Variants in DNAJC6 observed in about 807,000 individuals in gnomAD.
The protein encoded by DNAJC6 is auxilin.
In DNAJC6, 34 loss-of-function variants were observed where a neutral mutation model predicts 110.0. The observed-to-expected ratio is 0.31, with a 90% CI of 0.24 to 0.41. DNAJC6 has a LOEUF of 0.41. Ranked by LOEUF, DNAJC6 falls within the 10% of genes least tolerant of loss-of-function variation. The pLI is 1.00. For synonymous variants in DNAJC6, 406 were observed against 437.2 expected, an observed-to-expected ratio of 0.93 and a Z score of 0.89; for missense variants, 1,031 against 1,207.8, an observed-to-expected ratio of 0.85 and a Z score of 2.17.
chr1:65,339,830 G>C (rs567091379), intron 1 of DNAJC6, among the ~76,000 whole-genome samples: 2 of 152,172 alleles, frequency 1.3e-5, no homozygotes, highest in African/African-American at 4.8e-5. Context: ...GGGCTTCTGG[G>C]GCAAAAATAA....
intron 4 of DNAJC6, among the ~76,000 whole-genome samples, chr1:65,371,595 A>C (rs908572315): frequency 4.6e-5 from 7 of 152,184 alleles, no homozygotes; most frequent in Non-Finnish European, 1.0e-4. Context: ...CTCTCTGTAG[A>C]AGCATTCATT....
In DNAJC6 at chr1:65,366,916, G is replaced by A. The variant is rs143287930; in HGVS notation, c.543+720G>A. ...AAAAGTGAAACTTGATGTCAAATGT[G>A]TAAAATGATAGCTGGTTGACAATGC... On this transcript the variant is annotated intron_variant, in intron 4 of 18. Coordinates refer to ENST00000371069, the MANE Select transcript of DNAJC6 (RefSeq NM_001256864.2). Among the ~76,000 whole-genome samples the A allele has an allele frequency of 5.7e-4, 87 of 152,256 alleles. No homozygotes were observed. In the Middle Eastern group the frequency reaches 0.02, roughly 36 times the overall value.
rs750198870 is a variant in DNAJC6 at position 65,406,116 on chromosome 1, A to G, written c.2474A>G (p.Lys825Arg). The G allele has an allele frequency of 1.9e-6, 3 of 1,613,988 alleles. No individual in the cohort carries two copies. In the Admixed American group the frequency reaches 5.0e-5, roughly 27 times the overall value. Residue 825 changes from lysine to arginine, a missense_variant, in exon 16 of 19, where the codon AAA (lysine) becomes AGA (arginine). Lys to Arg is a conservative substitution (Grantham distance 26). Coordinates refer to ENST00000371069, the MANE Select transcript of DNAJC6 (RefSeq NM_001256864.2). ...CCTGGGGGCCAGAACGAACGTGGGA[A>G]AGGATCAAGTAATTTGGGTAAGGAT... ...AMPGGQNERG[K>R]GSSNLEGKQK...
chr1:65,349,107 A>AATGT (rs1645466783), intron 1 of DNAJC6, among the ~76,000 whole-genome samples: 1 of 136,702 alleles, frequency 7.3e-6, no homozygotes, highest in African/African-American at 2.7e-5. Flanking sequence ...TATATAAATA[A>AATGT]ATATGTAAAT....
chr1:65,400,757 A>G (rs930971703), intron 14 of DNAJC6, among the ~76,000 whole-genome samples: 4 of 152,200 alleles, frequency 2.6e-5, no homozygotes, highest in Admixed American at 6.5e-5. Flanking sequence ...TTGATTCCAT[A>G]TCTTGGCTGT....
At position 65,348,921 on chromosome 1, in the gene DNAJC6, C is replaced by T. The variant is rs575771687; in HGVS notation, c.194-15714C>T. 1.5e-3 allele frequency among the ~76,000 whole-genome samples: 215 copies of T among 144,122 alleles called. 2 individuals are homozygous for T. The highest frequency in any genetic ancestry group is 4.7e-3 in the African/African-American group (184 of 39,430). The allele number at this position is 144,122 out of a possible 152,430, so 94.5% of individuals were successfully genotyped here. A position where few individuals can be genotyped will look rare whatever the true frequency, so the allele number is the denominator to read the frequency against. On this transcript the variant is annotated intron_variant, in intron 1 of 18. Coordinates refer to ENST00000371069, the MANE Select transcript of DNAJC6 (RefSeq NM_001256864.2). ...GCTTTTTGGCTATATATATGTGGTACGTATATTTGTGTGTGTGCATGTGTG... is the reference window on the plus strand; with the variant it reads ...GCTTTTTGGCTATATATATGTGGTATGTATATTTGTGTGTGTGCATGTGTG...
At chr1:65,289,898 C>CT (rs1275843858) in intron 1 of DNAJC6, among the ~76,000 whole-genome samples, 2 of 151,648 alleles carry the variant, frequency 1.3e-5, no homozygotes, top group Non-Finnish European at 2.9e-5. Context: ...TAACCTCCAC[C>CT]TTTCGGGTTC....
At chr1:65,310,272 G>C (rs1438713132) in intron 1 of DNAJC6, among the ~76,000 whole-genome samples, 1 of 152,102 alleles carries the variant, frequency 6.6e-6, no homozygotes, top group Non-Finnish European at 1.5e-5. Context: ...GGCGAAGAAC[G>C]GCTTGGGAGG....
chr1:65,404,172 G>T (rs969893663), intron 15 of DNAJC6, among the ~76,000 whole-genome samples: 1 of 152,178 alleles, frequency 6.6e-6, no homozygotes, highest in Admixed American at 6.5e-5. Flanking sequence ...TGGAATGAGT[G>T]GGGCAATGCC....
At chr1:65,340,425 G>A (rs902613269) in intron 1 of DNAJC6, among the ~76,000 whole-genome samples, 1 of 152,150 alleles carries the variant, frequency 6.6e-6, no homozygotes, top group African/African-American at 2.4e-5. Context: ...CCCTTCCATA[G>A]CTATAGCCAT....
At chr1:65,309,231 C>A (rs973332251), upstream of DNAJC6, among the ~76,000 whole-genome samples, 4 of 151,926 alleles carry the variant, frequency 2.6e-5, no homozygotes, top group African/African-American at 9.7e-5. Context: ...CCTCCCAACC[C>A]ACGTCGTAGT....
chr1:65,381,894 C>T (rs934555064), intron 5 of DNAJC6, among the ~76,000 whole-genome samples: 7 of 152,112 alleles, frequency 4.6e-5, no homozygotes, highest in Non-Finnish European at 5.9e-5. Context: ...CAAGATAGTA[C>T]GAGAGCCTCA....
rs375368689 is a variant in DNAJC6 at position 65,364,831 on chromosome 1, A to C, written c.344+46A>C. 693 of 1,603,692 alleles carry C rather than the reference A, an allele frequency of 4.3e-4. 1 individual carries two copies. The highest frequency in any genetic ancestry group is 5.8e-4 in the South Asian group (52 of 89,474). On this transcript the variant is annotated intron_variant, in intron 2 of 18. Coordinates refer to ENST00000371069, the MANE Select transcript of DNAJC6 (RefSeq NM_001256864.2). ...TAATTTAGTGGATCCCCATGCTCTCAAAGGATCTGGTTACCTGCTGACTGC... is the reference window on the plus strand; with the variant it reads ...TAATTTAGTGGATCCCCATGCTCTCCAAGGATCTGGTTACCTGCTGACTGC...
Position 65,366,084 on chromosome 1 carries a change from T to G in DNAJC6, c.431T>G (p.Phe144Cys). The G allele has an allele frequency of 6.2e-7, 1 of 1,613,916 alleles. No individual in the cohort carries two copies. Among genetic ancestry groups the G allele is most frequent in the Non-Finnish European group, 8.5e-7 (1 of 1,179,824 alleles). The stretch of plus-strand genomic sequence containing the variant: ...CCTCTGGACAATGTTGACATAGGAT[T>G]CAGGAATCAGGTTGATGACATTCGA... Reference protein sequence around the residue: ...SFPLDNVDIGFRNQVDDIRSF... With the variant: ...SFPLDNVDIGCRNQVDDIRSF... Residue 144 changes from phenylalanine (F) to cysteine (C), a missense_variant, in exon 4 of 19, where the codon TTC becomes TGC. Physicochemically the swap from Phe to Cys is radical, Grantham distance 205. Transcript: ENST00000371069.
At chr1:65,408,837 T>C in intron 17 of DNAJC6, 54 bp downstream of exon 17, 1 of 1,590,286 alleles carries the variant, frequency 6.3e-7, no homozygotes, top group Non-Finnish European at 8.6e-7. Context: ...AGTCATGTGA[T>C]AAAGTCATGT....
intron 1 of DNAJC6, among the ~76,000 whole-genome samples, chr1:65,332,479 A>T (rs1645297618): frequency 6.6e-6 from 1 of 152,236 alleles, no homozygotes. Flanking sequence ...TGAGTCTTAC[A>T]TATTTTGGAA....
At position 65,310,134 on chromosome 1, in the gene DNAJC6, C is replaced by T. The variant is rs182459956; in HGVS notation, c.193+196C>T. Among the ~76,000 whole-genome samples the T allele has an allele frequency of 0.031, 4,732 of 151,492 alleles. 260 individuals carry two copies. The highest frequency in any genetic ancestry group is 0.11 in the African/African-American group (4,467 of 41,256). On this transcript the variant is annotated intron_variant, in intron 1 of 18. Transcript: ENST00000371069. ...TCCAGGGAGCTACGAAACGTTAGAT[C>T]AGTCCTGAGGCCCAGAGACTGTAGC... is the stretch of plus-strand genomic sequence containing the variant.
chr1:65,358,178 C>CAAA (rs11285114), intron 1 of DNAJC6, among the ~76,000 whole-genome samples: 48 of 80,012 alleles, frequency 6.0e-4, no homozygotes, highest in Non-Finnish European at 6.9e-4. Context: ...GACTCAGTCT[C>CAAA]AAAAAAAAAA....
intron 1 of DNAJC6, among the ~76,000 whole-genome samples, chr1:65,303,767 G>A (rs563732712): frequency 7.9e-5 from 12 of 152,086 alleles, no homozygotes; most frequent in Middle Eastern, 3.4e-3. Flanking sequence ...TAGAGACGGG[G>A]TTTCACCATG....
Sources: allele counts gnomAD v4.1 joint callset (sites outside exome capture counted in the v4.1 genomes callset), GRCh38; gene constraint gnomAD v4.1.1; transcripts MANE v1.5; gene names NCBI Gene and HGNC (gene_info 2026-07-23, HGNC 2026-07-21).